UNC13B: variants seen among roughly 807,000 people sequenced by gnomAD.
The protein encoded by UNC13B is protein unc-13 homolog B.
In UNC13B, 144 loss-of-function variants were observed where a neutral mutation model predicts 211.0. The ratio of observed to expected loss-of-function variants is 0.68; its 90% CI spans 0.60 to 0.78. The LOEUF is 0.78. Among genes scored for constraint, UNC13B ranks in the 30% least tolerant of loss-of-function variants. The probability of loss-of-function intolerance (pLI) is 0.00; values close to 1 mark genes in which losing one functional copy is unlikely to be tolerated. For missense variants in UNC13B, 1,777 were observed against 2,002.0 expected (o/e 0.89, Z 2.14); for synonymous variants, 709 against 725.8 (o/e 0.98, Z 0.37).
intron 1 of UNC13B, among the ~76,000 whole-genome samples, chr9:35,168,204 C>T (rs1190812442): frequency 6.6e-6 from 1 of 152,138 alleles, no homozygotes; most frequent in African/African-American, 2.4e-5. Flanking sequence ...AGGTGTGAGC[C>T]ACTGCACCTG....
intron 11 of UNC13B, among the ~76,000 whole-genome samples, chr9:35,324,204 C>G (rs977776618): frequency 6.6e-6 from 1 of 152,164 alleles, no homozygotes; most frequent in African/African-American, 2.4e-5. Flanking sequence ...TAACACTAAT[C>G]TTAGAACCCT....
At chr9:35,185,604 A>C (rs1416675136) in intron 1 of UNC13B, among the ~76,000 whole-genome samples, 2 of 152,140 alleles carry the variant, frequency 1.3e-5, no homozygotes, top group African/African-American at 4.8e-5. Flanking sequence ...GCAGCTGTTA[A>C]AAGAACTCTC....
At chr9:35,371,508 C>G (rs1339885912) in intron 13 of UNC13B, among the ~76,000 whole-genome samples, 1 of 152,034 alleles carries the variant, frequency 6.6e-6, no homozygotes, top group Non-Finnish European at 1.5e-5. Context: ...TCTTCTTCCA[C>G]TAGCTCTTCA....
intron 11 of UNC13B, chr9:35,353,935 G>C: frequency 1.9e-6 from 1 of 522,328 alleles, no homozygotes; most frequent in Non-Finnish European, 2.9e-6. Flanking sequence ...GCTTGAATCA[G>C]GCTAAATTAC....
intron 11 of UNC13B, among the ~76,000 whole-genome samples, chr9:35,347,271 C>A (rs1446051767): frequency 6.6e-6 from 1 of 152,116 alleles, no homozygotes; most frequent in Non-Finnish European, 1.5e-5. Context: ...TCTTTCTCTC[C>A]AAATCTTAAT....
chr9:35,382,597 C>G (rs1017578095), intron 21 of UNC13B, 90 bp downstream of exon 21: 61 of 1,459,440 alleles, frequency 4.2e-5, no homozygotes, highest in African/African-American at 1.2e-4. Context: ...GAGTCTCGCT[C>G]TGTTGCCCAG....
chr9:35,207,700 T>C (rs1237473022), intron 1 of UNC13B, among the ~76,000 whole-genome samples: 1 of 152,064 alleles, frequency 6.6e-6, no homozygotes, highest in Non-Finnish European at 1.5e-5. Flanking sequence ...ATTTAAAAAT[T>C]GGATTATTTG....
intron 1 of UNC13B, among the ~76,000 whole-genome samples, chr9:35,217,232 A>C (rs1824297754): frequency 6.6e-6 from 1 of 152,056 alleles, no homozygotes; most frequent in Non-Finnish European, 1.5e-5. Context: ...GGTACATAGG[A>C]CCTCTCTACT....
chr9:35,213,654 T>C (rs190288451), intron 1 of UNC13B, among the ~76,000 whole-genome samples: 75 of 152,272 alleles, frequency 4.9e-4, no homozygotes, highest in Non-Finnish European at 9.3e-4. Flanking sequence ...CAAAGGGTCA[T>C]ATGCTCAGTT....
At chr9:35,381,526 C>T (rs775180024) in intron 19 of UNC13B, 30 bp from the exon 20 acceptor site, 2 of 1,600,830 alleles carry the variant, frequency 1.2e-6, no homozygotes, top group South Asian at 2.2e-5. Flanking sequence ...GTGTTTAACC[C>T]ATTCCCTTTC....
At chr9:35,390,043 T>C in intron 25 of UNC13B, 70 bp downstream of exon 25, 4 of 1,593,418 alleles carry the variant, frequency 2.5e-6, no homozygotes, top group Non-Finnish European at 3.4e-6. Context: ...ACCTCTTTCT[T>C]TCCTGTCTCT....
chr9:35,220,973 C>T (rs1479963481), intron 1 of UNC13B, among the ~76,000 whole-genome samples: 1 of 152,122 alleles, frequency 6.6e-6, no homozygotes, highest in Non-Finnish European at 1.5e-5. Flanking sequence ...GATGATACCT[C>T]ATAGTAGTTT....
chr9:35,243,889 T>C (rs1807396329), intron 6 of UNC13B, among the ~76,000 whole-genome samples: 1 of 152,086 alleles, frequency 6.6e-6, no homozygotes, highest in Non-Finnish European at 1.5e-5. Flanking sequence ...ATTTGTTTAT[T>C]TTGGACATGT....
At chr9:35,180,901 C>T (rs1252309620) in intron 1 of UNC13B, among the ~76,000 whole-genome samples, 2 of 148,346 alleles carry the variant, frequency 1.3e-5, no homozygotes, top group African/African-American at 5.0e-5. Context: ...CCAGACCAGC[C>T]TAGTAAACAC....
Position 35,389,953 on chromosome 9 carries a change from C to T in UNC13B, c.11202C>T (p.Ser3734=), listed in dbSNP as rs1835426685. 6.2e-7 allele frequency: 1 copy of T among 1,614,072 alleles called. No homozygotes were observed. The highest frequency in any genetic ancestry group is 2.2e-5 in the East Asian group (1 of 44,874). The change falls in exon 25 of 40, where the codon TCC becomes TCT. Residue 3734 remains serine (S), a synonymous_variant. Transcript: ENST00000635942. The part of the protein sequence containing the change: ...IVSIIEEDKN[S]YTPVLNQFPQ... ...CAATCATAGAGGAAGATAAGAATTC[C>T]TACACACCTGTTCTGAACCAGTGAG...
chr9:35,403,083 G>T, intron 37 of UNC13B, 84 bp from the exon 38 acceptor site: 1 of 1,199,624 alleles, frequency 8.3e-7, no homozygotes, highest in South Asian at 1.3e-5. Flanking sequence ...CTTGCTTTTG[G>T]GTATAGGGTG....
chr9:35,375,923 T>G, intron 14 of UNC13B, 105 bp from the exon 15 acceptor site: 1 of 1,144,120 alleles, frequency 8.7e-7, no homozygotes, highest in Non-Finnish European at 1.3e-6. Flanking sequence ...GAGGTTGCAA[T>G]GAGCCGAGAT....
chr9:35,321,176 A>G (rs1479847913), intron 11 of UNC13B, among the ~76,000 whole-genome samples: 4 of 152,078 alleles, frequency 2.6e-5, no homozygotes, highest in Non-Finnish European at 4.4e-5. Flanking sequence ...TTAATAGATT[A>G]ATATTCTCTT....
intron 24 of UNC13B, among the ~76,000 whole-genome samples, chr9:35,387,150 T>A (rs948492542): frequency 3.3e-5 from 5 of 152,118 alleles, no homozygotes; most frequent in Admixed American, 2.6e-4. Context: ...GAAAAAGGGA[T>A]AAGATTAAAG....
Sources: allele counts gnomAD v4.1 joint callset (sites outside exome capture counted in the v4.1 genomes callset), GRCh38; gene constraint gnomAD v4.1.1; transcripts MANE v1.5; gene names NCBI Gene and HGNC (gene_info 2026-07-23, HGNC 2026-07-21).